ITGAV: variants seen among roughly 807,000 people sequenced by gnomAD.
ITGAV encodes the protein integrin alpha-V.
In ITGAV, 76 loss-of-function variants were observed where a neutral mutation model predicts 143.8. The ratio of observed to expected loss-of-function variants is 0.53; its 90% CI spans 0.44 to 0.64. The LOEUF is 0.64. ITGAV is among the 30% of genes least tolerant of loss of function. ITGAV has a pLI of 0.00. For missense variants in ITGAV, 1,193 were observed against 1,274.7 expected (o/e 0.94, Z 0.98); for synonymous variants, 453 against 446.7 (o/e 1.01, Z -0.18).
chr2:186,633,886 G>A (rs1687884330), intron 6 of ITGAV, among the ~76,000 whole-genome samples: 1 of 152,022 alleles, frequency 6.6e-6, no homozygotes, highest in African/African-American at 2.4e-5. Flanking sequence ...ATTGAAGCTG[G>A]GCATGGTGGC....
intron 10 of ITGAV, among the ~76,000 whole-genome samples, chr2:186,638,930 C>G (rs1688026609): frequency 7.0e-6 from 1 of 143,386 alleles, no homozygotes; most frequent in Non-Finnish European, 1.5e-5. Flanking sequence ...TGCAAAATCA[C>G]ATGCATACAA....
intron 24 of ITGAV, among the ~76,000 whole-genome samples, chr2:186,668,185 CATATATATATATAT>C (rs1225346630): frequency 0.014 from 262 of 19,044 alleles, 10 homozygotes; most frequent in Admixed American, 0.021. Flanking sequence ...TACATACATA[CATATATATATATAT>C]ATATATATAT....
intron 2 of ITGAV, among the ~76,000 whole-genome samples, chr2:186,620,534 A>G (rs1687492507): frequency 6.6e-6 from 1 of 152,040 alleles, no homozygotes; most frequent in Admixed American, 6.6e-5. Context: ...AAGCTGAGGC[A>G]GGTTGATCCC....
At chr2:186,646,046 G>A (rs1048695103) in intron 12 of ITGAV, among the ~76,000 whole-genome samples, 2 of 152,116 alleles carry the variant, frequency 1.3e-5, no homozygotes, top group Admixed American at 6.5e-5. Flanking sequence ...TGTCTAGGGT[G>A]GCAGCAGCAG....
At chr2:186,595,474 A>T (rs1686725671) in intron 1 of ITGAV, among the ~76,000 whole-genome samples, 1 of 151,814 alleles carries the variant, frequency 6.6e-6, no homozygotes, top group African/African-American at 2.4e-5. Context: ...GCCTCCTCTG[A>T]TACCTCTCCC....
At chr2:186,641,686 C>T (rs1688108264) in intron 12 of ITGAV, 98 bp downstream of exon 12, 1 of 929,416 alleles carries the variant, frequency 1.1e-6, no homozygotes, top group Non-Finnish European at 1.7e-6. Flanking sequence ...GAGCAAATCT[C>T]CTTCCTGGAA....
intron 2 of ITGAV, among the ~76,000 whole-genome samples, chr2:186,603,660 T>A: frequency 6.6e-6 from 1 of 152,126 alleles, no homozygotes; most frequent in Admixed American, 6.5e-5. Context: ...GAAACCACAG[T>A]TTAGATTTTG....
intron 1 of ITGAV, among the ~76,000 whole-genome samples, chr2:186,595,703 T>G (rs953107423): frequency 6.6e-6 from 1 of 151,396 alleles, no homozygotes; most frequent in Non-Finnish European, 1.5e-5. Flanking sequence ...AAAAAAATGT[T>G]GAGGATGGGG....
At position 186,649,830 on chromosome 2, in the gene ITGAV, CT is replaced by C. The variant is rs759207657; in HGVS notation, c.1352-7del. ...ATCATTATTAACATGTTTTTCCACT[CT>C]TTCTTAAGACTTAATTGTAGGAGCT... On this transcript the variant is annotated splice_polypyrimidine_tract_variant and intron_variant, in intron 13 of 29. Transcript: ENST00000261023. The C allele has an allele frequency of 5.7e-5, 90 of 1,570,454 alleles. No individual in the cohort carries two copies. The highest frequency in any genetic ancestry group is 7.5e-5 in the Non-Finnish European group (87 of 1,153,520).
intron 24 of ITGAV, chr2:186,668,493 C>T: frequency 3.1e-6 from 1 of 326,808 alleles, no homozygotes; most frequent in Non-Finnish European, 5.7e-6. Context: ...CCCGCCTCGG[C>T]CTCCCAAAGT....
rs61764165 is a variant in ITGAV, at chr2:186,670,292, TTTTG to T, written c.2706+498_2706+501del. On this transcript the variant is annotated intron_variant, in intron 26 of 29. Transcript: ENST00000261023. ...CTAGTAGAGAACCTGGTATAGTGTT[TTTTG>T]TTTGTTTGTTTGTTTGTTTTTTGAC... 8.1e-3 allele frequency among the ~76,000 whole-genome samples: 1,221 copies of T among 151,572 alleles called. 7 individuals are homozygous for T. The highest frequency in any genetic ancestry group is 0.014 in the Middle Eastern group (4 of 294).
intron 2 of ITGAV, among the ~76,000 whole-genome samples, chr2:186,610,379 T>C (rs1687183373): frequency 6.6e-6 from 1 of 152,220 alleles, no homozygotes; most frequent in Non-Finnish European, 1.5e-5. Context: ...CTGTTAATGT[T>C]CTTTCAAGAT....
intron 22 of ITGAV, 139 bp downstream of exon 22, chr2:186,666,922 CA>C (rs756179099): frequency 8.8e-6 from 5 of 565,014 alleles, no homozygotes; most frequent in Non-Finnish European, 1.5e-5. Context: ...TCAATATTTA[CA>C]TTATAAGAAT....
Position 186,665,164 on chromosome 2 carries a change from C to G in ITGAV, c.2112C>G (p.Asn704Lys). 6.2e-7 allele frequency: 1 copy of G among 1,609,352 alleles called. No homozygotes were observed. The highest frequency in any genetic ancestry group is 8.5e-7 in the Non-Finnish European group (1 of 1,178,338). ...ARLSCAFKTE[N>K]QTRQVVCDLG... ...TTTCCTGTGCATTTAAGACAGAAAA[C>G]CAAACTCGCCAGGTGGTATGTGACC... is the stretch of plus-strand genomic sequence containing the variant. The change falls in exon 21 of 30, where the codon AAC becomes AAG. Residue 704 changes from asparagine to lysine, a missense_variant. Asn to Lys is a moderately conservative substitution (Grantham distance 94, BLOSUM62 0). Coordinates refer to ENST00000261023, the MANE Select transcript of ITGAV (RefSeq NM_002210.5).
intron 2 of ITGAV, among the ~76,000 whole-genome samples, chr2:186,608,926 G>A (rs192888455): frequency 7.9e-5 from 12 of 152,256 alleles, no homozygotes; most frequent in African/African-American, 2.9e-4. Flanking sequence ...ATTGTTGCTG[G>A]TACTGCTATT....
At chr2:186,639,856 T>C (rs749290865) in intron 10 of ITGAV, among the ~76,000 whole-genome samples, 1 of 152,188 alleles carries the variant, frequency 6.6e-6, no homozygotes, top group African/African-American at 2.4e-5. Flanking sequence ...CCAAACACCA[T>C]AGGTGACTAA....
intron 18 of ITGAV, among the ~76,000 whole-genome samples, chr2:186,662,903 C>A (rs1044613426): frequency 1.3e-5 from 2 of 151,964 alleles, no homozygotes; most frequent in African/African-American, 4.8e-5. Context: ...CCTTTAAATC[C>A]TTTTCTCTCT....
At chr2:186,664,671 A>G (rs761887258) in intron 20 of ITGAV, 30 bp downstream of exon 20, 3 of 1,613,648 alleles carry the variant, frequency 1.9e-6, no homozygotes, top group South Asian at 2.2e-5. Context: ...AAAAATTGAA[A>G]TGCACTCACG....
At chr2:186,631,193 A>G (rs1687805824) in intron 5 of ITGAV, among the ~76,000 whole-genome samples, 1 of 152,124 alleles carries the variant, frequency 6.6e-6, no homozygotes, top group African/African-American at 2.4e-5. Flanking sequence ...TCTATTTTTA[A>G]TTAAAGTTGT....
Sources: allele counts gnomAD v4.1 joint callset (sites outside exome capture counted in the v4.1 genomes callset), GRCh38; gene constraint gnomAD v4.1.1; transcripts MANE v1.5; gene names NCBI Gene and HGNC (gene_info 2026-07-23, HGNC 2026-07-21).